The following ADAMTS6 variants were observed in gnomAD, a reference collection of about 807,000 sequenced individuals.
ADAMTS6 encodes ADAM metallopeptidase with thrombospondin type 1 motif 6, also known as A disintegrin and metalloproteinase with thrombospondin motifs 6.
A neutral mutation model predicts 144.3 loss-of-function variants in ADAMTS6; 23 were observed. The observed-to-expected ratio is 0.16, with a 90% CI of 0.11 to 0.23. The LOEUF (loss-of-function observed/expected upper bound fraction) is 0.23, where lower values mean the gene tolerates loss of function less well. ADAMTS6 is among the 10% of genes least tolerant of loss of function. ADAMTS6 has a pLI of 1.00. For synonymous variants in ADAMTS6, 444 were observed against 457.5 expected, an observed-to-expected ratio of 0.97 and a Z score of 0.38; for missense variants, 999 against 1,379.6, an observed-to-expected ratio of 0.72 and a Z score of 4.37.
intron 14 of ADAMTS6, chr5:65,251,869 G>A (rs932281482): frequency 2.0e-5 from 3 of 152,096 alleles, no homozygotes; most frequent in Non-Finnish European, 4.4e-5. Context: ...TCTTTTCTTT[G>A]AAATCGGGTT....
intron 7 of ADAMTS6, among the ~76,000 whole-genome samples, chr5:65,340,933 A>G (rs143198702): frequency 1.4e-4 from 22 of 152,190 alleles, no homozygotes; most frequent in Non-Finnish European, 2.5e-4. Flanking sequence ...GAACACCCAG[A>G]TACATAGAGC....
intron 20 of ADAMTS6, among the ~76,000 whole-genome samples, chr5:65,204,494 G>T (rs111499027): frequency 6.6e-6 from 1 of 152,294 alleles, no homozygotes; most frequent in Non-Finnish European, 1.5e-5. Flanking sequence ...CTGTTATGAT[G>T]CTGGGTACAG....
chr5:65,204,840 AG>A (rs553658610), intron 20 of ADAMTS6, among the ~76,000 whole-genome samples: 117 of 152,336 alleles, frequency 7.7e-4, no homozygotes, highest in African/African-American at 2.6e-3. Context: ...AAAAAATAAT[AG>A]TACATTGTAC....
chr5:65,187,090 A>C (rs1754718942), intron 22 of ADAMTS6, among the ~76,000 whole-genome samples: 1 of 152,260 alleles, frequency 6.6e-6, no homozygotes, highest in Non-Finnish European at 1.5e-5. Context: ...AGGATATATT[A>C]GAACAGAGTC....
chr5:65,336,493 G>A (rs1164191156), intron 7 of ADAMTS6, among the ~76,000 whole-genome samples: 1 of 152,036 alleles, frequency 6.6e-6, no homozygotes, highest in Non-Finnish European at 1.5e-5. Context: ...TTTGCAGGAT[G>A]TATACTTAGG....
intron 24 of ADAMTS6, among the ~76,000 whole-genome samples, chr5:65,163,457 G>T (rs1329728688): frequency 2.0e-5 from 3 of 152,128 alleles, no homozygotes; most frequent in African/African-American, 4.8e-5. Flanking sequence ...AGTGCATTGT[G>T]TTGAGGCTTA....
At chr5:65,262,654 C>T (rs1398815951) in intron 13 of ADAMTS6, 163 bp downstream of exon 13, 1 of 648,376 alleles carries the variant, frequency 1.5e-6, no homozygotes, top group African/African-American at 1.9e-5. Context: ...AGAAGAAAGT[C>T]TGTCTAACAA....
intron 7 of ADAMTS6, among the ~76,000 whole-genome samples, chr5:65,389,884 C>A (rs565030839): frequency 2.0e-5 from 3 of 152,080 alleles, no homozygotes; most frequent in East Asian, 1.9e-4. Flanking sequence ...TAAAGAGAAA[C>A]CTTTAATGGC....
At chr5:65,268,367 C>T (rs1034610152) in intron 12 of ADAMTS6, among the ~76,000 whole-genome samples, 2 of 152,092 alleles carry the variant, frequency 1.3e-5, no homozygotes, top group Admixed American at 6.6e-5. Flanking sequence ...AGTAACAATG[C>T]CAACACTACT....
At chr5:65,369,374 C>T (rs1022294122) in intron 7 of ADAMTS6, among the ~76,000 whole-genome samples, 14 of 151,948 alleles carry the variant, frequency 9.2e-5, no homozygotes, top group African/African-American at 1.4e-4. Context: ...TAGGTTGAAC[C>T]ATAAAAAGTT....
chr5:65,414,612 T>C (rs1755346114), intron 7 of ADAMTS6, among the ~76,000 whole-genome samples: 1 of 152,204 alleles, frequency 6.6e-6, no homozygotes, highest in African/African-American at 2.4e-5. Context: ...AGATCATTCT[T>C]GGTTTCTTGG....
intron 7 of ADAMTS6, among the ~76,000 whole-genome samples, chr5:65,429,925 C>T (rs1756859793): frequency 6.6e-6 from 1 of 152,034 alleles, no homozygotes; most frequent in African/African-American, 2.4e-5. Flanking sequence ...ATTCTAACAA[C>T]TATCACTTAA....
chr5:65,224,001 T>C (rs1298228774), intron 18 of ADAMTS6, among the ~76,000 whole-genome samples: 6 of 151,960 alleles, frequency 3.9e-5, no homozygotes, highest in East Asian at 1.9e-4. Context: ...GGGGTTTCAC[T>C]GTGTTAGCCA....
At chr5:65,374,665 G>A (rs1263480533) in intron 7 of ADAMTS6, among the ~76,000 whole-genome samples, 9 of 152,158 alleles carry the variant, frequency 5.9e-5, no homozygotes, top group Admixed American at 1.3e-4. Flanking sequence ...AATCAATGTC[G>A]TGAAAATGGC....
At chr5:65,317,795 C>T (rs1745155820) in intron 9 of ADAMTS6, among the ~76,000 whole-genome samples, 1 of 152,084 alleles carries the variant, frequency 6.6e-6, no homozygotes, top group Non-Finnish European at 1.5e-5. Context: ...AGTGGCAGGC[C>T]AGGCGTGGTG....
intron 15 of ADAMTS6, among the ~76,000 whole-genome samples, chr5:65,228,540 G>GT (rs1157178579): frequency 6.6e-6 from 1 of 152,042 alleles, no homozygotes; most frequent in Admixed American, 6.6e-5. Context: ...TTATAGACAA[G>GT]TGTACCTTTA....
intron 9 of ADAMTS6, among the ~76,000 whole-genome samples, chr5:65,314,327 C>A (rs1230224149): frequency 6.6e-6 from 1 of 151,944 alleles, no homozygotes; most frequent in Non-Finnish European, 1.5e-5. Flanking sequence ...AAAAGAATCA[C>A]GCACATACAC....
chr5:65,151,630 C>T lies in ADAMTS6; in HGVS notation c.*206G>A, dbSNP rs371242243. On this transcript the variant is annotated 3_prime_UTR_variant, in exon 25 of 25. Transcript: ENST00000381055. ...CCAATCTGGCATTCCCTCCTAATAC[C>T]GTGTCCAGCACTTTGGATCAATAAA... The T allele has an allele frequency of 3.0e-5, 15 of 507,666 alleles. No individual in the cohort carries two copies. Among genetic ancestry groups the T allele is most frequent in the South Asian group, 7.3e-5 (2 of 27,502 alleles). 31.4% of individuals were successfully genotyped at this position (507,666 alleles called of 1,614,324 possible). A position where few individuals can be genotyped will look rare whatever the true frequency, so the allele number is the denominator to read the frequency against.
intron 9 of ADAMTS6, among the ~76,000 whole-genome samples, chr5:65,306,933 G>A (rs1202139985): frequency 6.6e-6 from 1 of 152,178 alleles, no homozygotes; most frequent in Non-Finnish European, 1.5e-5. Context: ...TCAGTTAAAT[G>A]TGTTTGACTG....
Sources: gnomAD v4.1 joint callset for allele counts (sites outside exome capture counted in the v4.1 genomes callset) on GRCh38, gnomAD v4.1.1 for gene constraint, MANE v1.5 for transcripts, NCBI Gene and HGNC (gene_info 2026-07-23, HGNC 2026-07-21) for gene names.